Variants in SUCLG2 observed in about 807,000 individuals in gnomAD.
SUCLG2 encodes succinate--CoA ligase [GDP-forming] subunit beta, mitochondrial.
Under a neutral mutation model 47.9 loss-of-function variants are expected in SUCLG2, and 42 were observed. The observed-to-expected ratio is 0.88, with a 90% CI of 0.69 to 1.14. The LOEUF (loss-of-function observed/expected upper bound fraction) is 1.14. Ranked by LOEUF, SUCLG2 falls within the 50% of genes most tolerant of loss-of-function variation. The pLI, the probability that SUCLG2 is intolerant of heterozygous loss-of-function variation, is 0.00. For missense variants in SUCLG2, 571 were observed against 525.9 expected (o/e 1.09, Z -0.84); for synonymous variants, 195 against 197.3 (o/e 0.99, Z 0.10).
chr3:67,584,186 G>A (rs1707951808), intron 2 of SUCLG2, among the ~76,000 whole-genome samples: 1 of 152,154 alleles, frequency 6.6e-6, no homozygotes, highest in Non-Finnish European at 1.5e-5. Flanking sequence ...AAAATGTGCT[G>A]TATCTATACA....
At chr3:67,425,227 A>C (rs758532779) in intron 9 of SUCLG2, among the ~76,000 whole-genome samples, 1 of 152,190 alleles carries the variant, frequency 6.6e-6, no homozygotes, top group African/African-American at 2.4e-5. Flanking sequence ...GCATCATTTT[A>C]GGCATACAGA....
At chr3:67,476,060 A>G (rs1418092785) in intron 9 of SUCLG2, among the ~76,000 whole-genome samples, 1 of 151,374 alleles carries the variant, frequency 6.6e-6, no homozygotes, top group African/African-American at 2.4e-5. Flanking sequence ...AATGGGATTC[A>G]ATTTATGTGT....
intron 2 of SUCLG2, among the ~76,000 whole-genome samples, chr3:67,586,382 CT>C (rs1412082779): frequency 6.6e-6 from 1 of 152,104 alleles, no homozygotes; most frequent in Admixed American, 6.5e-5. Context: ...ACAAAATTTT[CT>C]TTTTGCAAAT....
chr3:67,500,409 C>A (rs998773689), intron 7 of SUCLG2, among the ~76,000 whole-genome samples: 1 of 152,180 alleles, frequency 6.6e-6, no homozygotes, highest in Admixed American at 6.6e-5. Context: ...CACTGAGCGA[C>A]AAGAGAGAAT....
intron 2 of SUCLG2, among the ~76,000 whole-genome samples, chr3:67,547,405 T>A (rs919624892): frequency 6.6e-6 from 1 of 152,240 alleles, no homozygotes; most frequent in Non-Finnish European, 1.5e-5. Flanking sequence ...TATTTTCTAC[T>A]TTAGTTTTCA....
chr3:67,610,020 T>C (rs1323220453), intron 1 of SUCLG2, among the ~76,000 whole-genome samples: 3 of 152,242 alleles, frequency 2.0e-5, no homozygotes, highest in Non-Finnish European at 4.4e-5. Flanking sequence ...TTTTAAAAAC[T>C]GTTAAGGACT....
chr3:67,596,531 T>C (rs1708296655), intron 2 of SUCLG2, among the ~76,000 whole-genome samples: 1 of 152,140 alleles, frequency 6.6e-6, no homozygotes, highest in Non-Finnish European at 1.5e-5. Flanking sequence ...GGAATAGGCA[T>C]CCCTTTTCCC....
At chr3:67,615,808 C>T (rs1468862774) in intron 1 of SUCLG2, among the ~76,000 whole-genome samples, 1 of 152,066 alleles carries the variant, frequency 6.6e-6, no homozygotes, top group Non-Finnish European at 1.5e-5. Context: ...AGTCTACTTC[C>T]TGGGTATCTA....
intron 9 of SUCLG2, among the ~76,000 whole-genome samples, chr3:67,427,482 T>C (rs1038904614): frequency 3.3e-5 from 5 of 152,212 alleles, no homozygotes; most frequent in Admixed American, 3.3e-4. Context: ...GAAAAGTCAG[T>C]TCAACCTTAA....
chr3:67,601,161 C>T (rs1042089972), intron 2 of SUCLG2, among the ~76,000 whole-genome samples: 11 of 151,994 alleles, frequency 7.2e-5, no homozygotes, highest in Admixed American at 6.6e-5. Flanking sequence ...CTTAGTACCT[C>T]ACCAAATTTA....
intron 9 of SUCLG2, among the ~76,000 whole-genome samples, chr3:67,450,965 C>T (rs13088154): frequency 1.3e-5 from 2 of 152,142 alleles, no homozygotes; most frequent in African/African-American, 2.4e-5. Flanking sequence ...GTTTATTGAG[C>T]GCTTACTCTG....
intron 2 of SUCLG2, among the ~76,000 whole-genome samples, chr3:67,563,959 C>CAAAAAAA (rs756674869): frequency 8.9e-4 from 68 of 76,504 alleles, no homozygotes; most frequent in Non-Finnish European, 1.2e-3. Context: ...GACTCTGTCT[C>CAAAAAAA]AAAAAAAAAA....
chr3:67,533,136 T>C (rs1035082700), intron 2 of SUCLG2, among the ~76,000 whole-genome samples: 14 of 152,334 alleles, frequency 9.2e-5, no homozygotes, highest in East Asian at 3.9e-4. Context: ...AGAGCCATAA[T>C]AGGAATCATA....
In SUCLG2 at chr3:67,609,496, G is replaced by C. The variant is rs775076867; in HGVS notation, c.185C>G (p.Ala62Gly). 3.1e-6 allele frequency: 5 copies of C among 1,613,396 alleles called. No homozygotes were observed. The highest frequency in any genetic ancestry group is 4.2e-6 in the Non-Finnish European group (5 of 1,179,900). Residue 62 changes from alanine (A) to glycine (G), a missense_variant, in exon 2 of 11, where the codon GCA becomes GGA. Physicochemically the swap from Ala to Gly is moderately conservative, Grantham distance 60. Coordinates refer to ENST00000307227, the MANE Select transcript of SUCLG2 (RefSeq NM_003848.4). ...CTCGAGAGCTTCATTTGCAGTGTCT[G>C]CTACAAAGAATCTTTGAACTCTCAC... ...NGVRVQRFFV[A>G]DTANEALEAA...
chr3:67,426,385 T>G (rs1031064360), intron 9 of SUCLG2, among the ~76,000 whole-genome samples: 2 of 152,172 alleles, frequency 1.3e-5, no homozygotes, highest in African/African-American at 2.4e-5. Context: ...TAATAATGGC[T>G]CTGCACAAAC....
chr3:67,564,156 G>A (rs1377245594), intron 2 of SUCLG2, among the ~76,000 whole-genome samples: 9 of 151,988 alleles, frequency 5.9e-5, no homozygotes, highest in Admixed American at 3.9e-4. Flanking sequence ...TTGACCAATC[G>A]AACATACTCT....
intron 9 of SUCLG2, among the ~76,000 whole-genome samples, chr3:67,403,440 T>C (rs959285380): frequency 2.0e-5 from 3 of 152,194 alleles, no homozygotes; most frequent in Non-Finnish European, 4.4e-5. Flanking sequence ...ATGAATTAAT[T>C]TCAACAGACA....
chr3:67,419,876 G>A (rs750036177), intron 9 of SUCLG2, among the ~76,000 whole-genome samples: 1 of 152,174 alleles, frequency 6.6e-6, no homozygotes, highest in Non-Finnish European at 1.5e-5. Context: ...ATCAAAAGCT[G>A]CTGAACCATT....
chr3:67,563,570 A>G (rs1351151257), intron 2 of SUCLG2, among the ~76,000 whole-genome samples: 7 of 152,236 alleles, frequency 4.6e-5, no homozygotes, highest in African/African-American at 1.7e-4. Flanking sequence ...CAAAGTACAG[A>G]ACACAATGTA....
Sources: gnomAD v4.1 joint callset for allele counts (sites outside exome capture counted in the v4.1 genomes callset) on GRCh38, gnomAD v4.1.1 for gene constraint, MANE v1.5 for transcripts, NCBI Gene and HGNC (gene_info 2026-07-23, HGNC 2026-07-21) for gene names.